Variants in MYLK4 observed in about 807,000 individuals in gnomAD.
MYLK4 encodes the protein caMLCK like.
Under a neutral mutation model 48.1 loss-of-function variants are expected in MYLK4, and 46 were observed. The ratio of observed to expected loss-of-function variants is 0.96; its 90% CI spans 0.75 to 1.22. MYLK4 has a LOEUF of 1.22. Among genes scored for constraint, MYLK4 ranks in the 50% most tolerant of loss-of-function variants. MYLK4 has a pLI of 0.00. For missense variants in MYLK4, 451 were observed against 486.1 expected (o/e 0.93, Z 0.68); for synonymous variants, 170 against 180.8 (o/e 0.94, Z 0.48).
At chr6:2,728,529 T>C (rs1339769635) in intron 2 of MYLK4, among the ~76,000 whole-genome samples, 1 of 152,276 alleles carries the variant, frequency 6.6e-6, no homozygotes. Flanking sequence ...CCACTTCCTG[T>C]TTTACCCCAT....
chr6:2,727,649 C>T (rs1342256128), intron 2 of MYLK4, among the ~76,000 whole-genome samples: 1 of 152,044 alleles, frequency 6.6e-6, no homozygotes, highest in East Asian at 1.9e-4. Context: ...GTTCATATCT[C>T]ATCATCATCA....
chr6:2,685,233 A>C lies in MYLK4; in HGVS notation c.545+63T>G. The C allele has an allele frequency of 8.1e-7, 1 of 1,238,372 alleles. No individual in the cohort carries two copies. The highest frequency in any genetic ancestry group is 1.2e-6 in the Non-Finnish European group (1 of 842,970). 76.7% of individuals were successfully genotyped at this position (1,238,372 alleles called of 1,614,324 possible). Reference sequence around the variant, plus strand: ...CCGCTACAGCAGGACGGAGCTACTGAGGCACGGTCACGGTCATGAGTGCCC... The same window carrying C: ...CCGCTACAGCAGGACGGAGCTACTGCGGCACGGTCACGGTCATGAGTGCCC... On this transcript the variant is annotated intron_variant, in intron 6 of 12. Coordinates refer to ENST00000274643, the MANE Select transcript of MYLK4 (RefSeq NM_001012418.5). The surrounding 1 kb of genome is among the most constrained non-coding windows in gnomAD (Gnocchi z 4.5).
upstream of MYLK4, chr6:2,750,930 C>T (rs990904022): frequency 6.6e-6 from 1 of 152,658 alleles, no homozygotes; most frequent in African/African-American, 2.4e-5. Context: ...TCAAATGCCA[C>T]TTTCAGCCCC....
chr6:2,731,479 C>T (rs753269475), intron 2 of MYLK4, among the ~76,000 whole-genome samples: 2 of 152,170 alleles, frequency 1.3e-5, no homozygotes, highest in Non-Finnish European at 2.9e-5. Flanking sequence ...TTGCTGAGCG[C>T]CTCCTATGTG....
chr6:2,769,147 C>G, the MYLK4 span, among the ~76,000 whole-genome samples: 1 of 152,156 alleles, frequency 6.6e-6, no homozygotes, highest in Non-Finnish European at 1.5e-5. Context: ...ATCAAATTTC[C>G]AGTTTTAGGA....
At chr6:2,735,021 A>T (rs1763620789) in intron 2 of MYLK4, among the ~76,000 whole-genome samples, 1 of 152,212 alleles carries the variant, frequency 6.6e-6, no homozygotes, top group African/African-American at 2.4e-5. Flanking sequence ...ATAAAACAGC[A>T]CCTGTCAAAG....
Position 2,673,690 on chromosome 6 carries a change from T to C in MYLK4, c.1119+1357A>G, listed in dbSNP as rs760129670. ...GAACATCCTAGATGTTCAGTAAAGT[T>C]ACTTGGGCATTACACATCTGTTTCT... On this transcript the variant is annotated intron_variant, in intron 11 of 12. Coordinates refer to ENST00000274643, the MANE Select transcript of MYLK4 (RefSeq NM_001012418.5). The surrounding 1 kb of genome is among the most constrained non-coding windows in gnomAD (Gnocchi z 4.2). Among the ~76,000 whole-genome samples, 2 of 152,196 alleles carry C rather than the reference T, an allele frequency of 1.3e-5. No homozygotes were observed. The highest frequency in any genetic ancestry group is 2.9e-5 in the Non-Finnish European group (2 of 68,032).
intron 2 of MYLK4, among the ~76,000 whole-genome samples, chr6:2,693,226 A>C (rs1465683187): frequency 6.6e-6 from 1 of 152,228 alleles, no homozygotes; most frequent in African/African-American, 2.4e-5. Flanking sequence ...AAATGAGCTC[A>C]CTATTTTCAA....
At chr6:2,764,944 T>TTGGGGTTTTTTC in the MYLK4 span, among the ~76,000 whole-genome samples, 2 of 152,228 alleles carry the variant, frequency 1.3e-5, no homozygotes, top group Non-Finnish European at 2.9e-5. Context: ...TTGGAGGCTT[T>TTGGGGTTTTTTC]TGGGTTTTTT....
chr6:2,688,754 G>GT, intron 4 of MYLK4, 97 bp downstream of exon 4: 1 of 934,206 alleles, frequency 1.1e-6, no homozygotes, highest in Non-Finnish European at 1.7e-6. Flanking sequence ...TGTTTCTAAT[G>GT]TTTCTAGTTC....
At chr6:2,714,105 G>C (rs1296767904) in intron 2 of MYLK4, among the ~76,000 whole-genome samples, 2 of 152,194 alleles carry the variant, frequency 1.3e-5, no homozygotes, top group African/African-American at 4.8e-5. Flanking sequence ...TCAAGAGACT[G>C]AACATGGAAT....
chr6:2,723,679 G>C (rs1418233164), intron 2 of MYLK4, among the ~76,000 whole-genome samples: 1 of 152,162 alleles, frequency 6.6e-6, no homozygotes, highest in Non-Finnish European at 1.5e-5. Context: ...AAGAGCTCAG[G>C]TAGAAGTGGT....
Position 2,685,009 on chromosome 6 carries a change from C to T in MYLK4, c.545+287G>A, listed in dbSNP as rs1378208454. Among the ~76,000 whole-genome samples the T allele has an allele frequency of 6.6e-6, 1 of 152,138 alleles. No homozygotes were observed. The highest frequency in any genetic ancestry group is 1.5e-5 in the Non-Finnish European group (1 of 68,042). Reference sequence around the variant, plus strand: ...GATGTAGCTCAAAAACCACTTTCCTCCAGGTTGCCCTGGCTAATATTTAAG... The same window carrying T: ...GATGTAGCTCAAAAACCACTTTCCTTCAGGTTGCCCTGGCTAATATTTAAG... On this transcript the variant is annotated intron_variant, in intron 6 of 12. Coordinates refer to ENST00000274643, the MANE Select transcript of MYLK4 (RefSeq NM_001012418.5). This position sits in a 1 kb window ranked among gnomAD's most constrained non-coding sequence, Gnocchi z 4.5.
chr6:2,766,397 A>G, the MYLK4 span: 2 of 1,606,610 alleles, frequency 1.2e-6, no homozygotes, highest in Non-Finnish European at 8.5e-7. Context: ...CCTGGAGACC[A>G]ACGAAATCCC....
upstream of MYLK4, among the ~76,000 whole-genome samples, chr6:2,755,080 C>G (rs1361721981): frequency 6.6e-6 from 1 of 152,014 alleles, no homozygotes; most frequent in Admixed American, 6.6e-5. Flanking sequence ...TTCTAAGTGA[C>G]AGCAATTAGC....
chr6:2,688,304 C>T (rs1401256494), intron 4 of MYLK4, among the ~76,000 whole-genome samples: 3 of 151,632 alleles, frequency 2.0e-5, no homozygotes, highest in Non-Finnish European at 4.4e-5. Context: ...AGTGATCTGC[C>T]CGCCTCAGTT....
At chr6:2,731,118 C>A (rs553855316) in intron 2 of MYLK4, among the ~76,000 whole-genome samples, 16 of 152,196 alleles carry the variant, frequency 1.1e-4, no homozygotes, top group Non-Finnish European at 2.1e-4. Context: ...GTAAGTAATG[C>A]TTTTCAGTCC....
chr6:2,678,291 C>T lies in MYLK4; in HGVS notation c.969G>A (p.Glu323=), dbSNP rs751340122. Residue 323 remains glutamate (E), a synonymous_variant, in exon 10 of 13, where the codon GAG becomes GAA. Coordinates refer to ENST00000274643, the MANE Select transcript of MYLK4 (RefSeq NM_001012418.5). ...CCGAGATGTCCTGAAATTCTTCATC[C>T]TCTAAGTCCCACCTGCAGGCCAGGA... ...NNILACRWDL[E]DEEFQDISEE... 6.2e-7 allele frequency: 1 copy of T among 1,614,150 alleles called. No individual in the cohort carries two copies. Among genetic ancestry groups the T allele is most frequent in the Non-Finnish European group, 8.5e-7 (1 of 1,180,026 alleles).
chr6:2,734,647 A>G (rs1763604175), intron 2 of MYLK4, among the ~76,000 whole-genome samples: 1 of 152,206 alleles, frequency 6.6e-6, no homozygotes, highest in Non-Finnish European at 1.5e-5. Flanking sequence ...TATTATACAC[A>G]CACATACACA....
Sources: allele counts gnomAD v4.1 joint callset (sites outside exome capture counted in the v4.1 genomes callset), GRCh38; gene constraint gnomAD v4.1.1; non-coding constraint Gnocchi (gnomAD v3.1); transcripts MANE v1.5; gene names NCBI Gene and HGNC (gene_info 2026-07-23, HGNC 2026-07-21).